Variants in DENND1B observed in about 807,000 individuals in gnomAD.
DENND1B encodes DENN domain containing 1B, also known as DENN domain-containing protein 1B.
A neutral mutation model predicts 90.1 loss-of-function variants in DENND1B; 59 were observed. The ratio of observed to expected loss-of-function variants is 0.65; its 90% CI spans 0.53 to 0.81. The LOEUF (loss-of-function observed/expected upper bound fraction) is 0.81, where lower values mean the gene tolerates loss of function less well. DENND1B is among the 40% of genes least tolerant of loss of function. The pLI, the probability that DENND1B is intolerant of heterozygous loss-of-function variation, is 0.00. For missense variants in DENND1B, 862 were observed against 912.6 expected (o/e 0.94, Z 0.71); for synonymous variants, 337 against 324.6 (o/e 1.04, Z -0.41).
intron 16 of DENND1B, 151 bp downstream of exon 16, chr1:197,552,871 G>T: frequency 2.1e-6 from 3 of 1,420,616 alleles, no homozygotes; most frequent in Non-Finnish European, 2.7e-6. Flanking sequence ...TAATTCCATA[G>T]CTTTTATAAG....
At chr1:197,586,188 A>G (rs928634769) in intron 14 of DENND1B, among the ~76,000 whole-genome samples, 3 of 152,152 alleles carry the variant, frequency 2.0e-5, no homozygotes, top group Non-Finnish European at 2.9e-5. Context: ...CATGGTTGGC[A>G]ATATTGCAAT....
chr1:197,553,253 G>T, intron 15 of DENND1B, 141 bp from the exon 16 acceptor site: 2 of 616,886 alleles, frequency 3.2e-6, no homozygotes, highest in South Asian at 2.9e-5. Flanking sequence ...CACATATATG[G>T]TGTATATATA....
intron 10 of DENND1B, among the ~76,000 whole-genome samples, chr1:197,622,815 T>A (rs551080671): frequency 6.6e-6 from 1 of 151,498 alleles, no homozygotes; most frequent in South Asian, 2.1e-4. Flanking sequence ...TTGTTCCTTC[T>A]TCTTAAACTA....
intron 20 of DENND1B, among the ~76,000 whole-genome samples, chr1:197,527,302 GT>G (rs1011998386): frequency 8.6e-5 from 9 of 104,206 alleles, no homozygotes; most frequent in South Asian, 3.0e-4. Context: ...TCACTTGAAG[GT>G]TTTTTTTTGT....
At chr1:197,588,811 A>G (rs917144778) in intron 14 of DENND1B, among the ~76,000 whole-genome samples, 5 of 152,194 alleles carry the variant, frequency 3.3e-5, no homozygotes, top group Admixed American at 3.3e-4. Flanking sequence ...AACCATGGAA[A>G]CAGTAATTTT....
At chr1:197,685,514 T>C (rs796503707) in intron 3 of DENND1B, 87 of 151,382 alleles carry the variant, frequency 5.7e-4, no homozygotes, top group African/African-American at 1.9e-3. Context: ...CAAGGTGTAC[T>C]AAAAAAAAAT....
chr1:197,571,172 A>G (rs1187980587), intron 15 of DENND1B, among the ~76,000 whole-genome samples: 1 of 152,048 alleles, frequency 6.6e-6, no homozygotes, highest in African/African-American at 2.4e-5. Context: ...GACTTTTGCC[A>G]CCTCTCTCTC....
At chr1:197,589,992 TA>T (rs1379632127) in intron 14 of DENND1B, among the ~76,000 whole-genome samples, 3 of 152,170 alleles carry the variant, frequency 2.0e-5, no homozygotes, top group Non-Finnish European at 2.9e-5. Flanking sequence ...AAATTTGACT[TA>T]TTTTTTTATA....
chr1:197,608,972 T>C (rs1676940176), intron 12 of DENND1B, among the ~76,000 whole-genome samples: 1 of 150,486 alleles, frequency 6.6e-6, no homozygotes, highest in Non-Finnish European at 1.5e-5. Flanking sequence ...AAATAGAGTG[T>C]AACAAATTTT....
At chr1:197,654,503 G>A (rs115169159) in intron 6 of DENND1B, among the ~76,000 whole-genome samples, 4,044 of 152,098 alleles carry the variant, frequency 0.027, 76 homozygotes, top group Middle Eastern at 0.075. Flanking sequence ...CCATCTACTT[G>A]GGAGAGTGAG....
chr1:197,699,272 A>C (rs557516168), intron 3 of DENND1B, among the ~76,000 whole-genome samples: 1 of 152,304 alleles, frequency 6.6e-6, no homozygotes, highest in Admixed American at 6.5e-5. Context: ...AAATCAATAA[A>C]TGTAATCCAT....
At chr1:197,728,941 C>G (rs1424168175) in intron 2 of DENND1B, among the ~76,000 whole-genome samples, 1 of 152,124 alleles carries the variant, frequency 6.6e-6, no homozygotes, top group Non-Finnish European at 1.5e-5. Flanking sequence ...CCCACCAACT[C>G]CAATGCAAAT....
At chr1:197,695,701 T>C (rs1330661719) in intron 3 of DENND1B, among the ~76,000 whole-genome samples, 2 of 151,020 alleles carry the variant, frequency 1.3e-5, no homozygotes, top group Non-Finnish European at 3.0e-5. Context: ...TTCTGTCTCA[T>C]GTAATTGACT....
chr1:197,595,223 T>G lies in DENND1B; in HGVS notation c.1032A>C (p.Ala344=). The change falls in exon 14 of 23, where the codon GCA becomes GCC. Residue 344 remains alanine, a synonymous_variant. Transcript: ENST00000620048. ...QAALFGSYRD[A]LRYKPGEPIT... ...AAACGCTTACAGGTTTGTATCTCAG[T>G]GCATCTCTGTAGGATCCAAACAAAG... The G allele has an allele frequency of 1.2e-6, 2 of 1,612,572 alleles. No homozygotes were observed. Among genetic ancestry groups the G allele is most frequent in the Admixed American group, 1.7e-5 (1 of 59,864 alleles).
At chr1:197,762,537 A>ATACT (rs1195772459) in intron 2 of DENND1B, among the ~76,000 whole-genome samples, 2 of 152,228 alleles carry the variant, frequency 1.3e-5, no homozygotes, top group Non-Finnish European at 2.9e-5. Flanking sequence ...ATCATCTCAC[A>ATACT]TACTTACCTC....
intron 16 of DENND1B, among the ~76,000 whole-genome samples, chr1:197,550,675 G>C (rs59643227): frequency 1.3e-3 from 8 of 6,384 alleles, no homozygotes; most frequent in Non-Finnish European, 2.0e-3. Flanking sequence ...GGTGAGGGGG[G>C]GGGGGAGGGA....
intron 16 of DENND1B, 83 bp from the exon 17 acceptor site, chr1:197,546,856 G>C (rs1670850127): frequency 7.8e-7 from 1 of 1,284,694 alleles, no homozygotes; most frequent in African/African-American, 1.5e-5. Flanking sequence ...ACTAGTATTT[G>C]CACAATTTTT....
In DENND1B at chr1:197,595,218, C is replaced by T. The variant is rs1326853235; in HGVS notation, c.1037G>A (p.Arg346Lys). ...ALFGSYRDALRYKPGEPITFC... is the reference protein window; with the variant it reads ...ALFGSYRDALKYKPGEPITFC... ...AAACAAAACGCTTACAGGTTTGTAT[C>T]TCAGTGCATCTCTGTAGGATCCAAA... The change falls in exon 14 of 23, where the codon AGA (arginine) becomes AAA (lysine). Residue 346 changes from arginine (R) to lysine (K), a missense_variant. Physicochemically the swap from Arg to Lys is conservative, Grantham distance 26. Transcript: ENST00000620048. The T allele has an allele frequency of 1.9e-6, 3 of 1,611,330 alleles. No homozygotes were observed. Among genetic ancestry groups the T allele is most frequent in the Non-Finnish European group, 2.5e-6 (3 of 1,178,694 alleles).
At chr1:197,743,230 A>G (rs954526230) in intron 2 of DENND1B, among the ~76,000 whole-genome samples, 11 of 152,208 alleles carry the variant, frequency 7.2e-5, no homozygotes, top group Non-Finnish European at 1.5e-4. Flanking sequence ...ACAGAAATAC[A>G]GATATACCTT....
Sources: gnomAD v4.1 joint callset for allele counts (sites outside exome capture counted in the v4.1 genomes callset) on GRCh38, gnomAD v4.1.1 for gene constraint, MANE v1.5 for transcripts, NCBI Gene and HGNC (gene_info 2026-07-23, HGNC 2026-07-21) for gene names.